FCRL2: variants seen among roughly 807,000 people sequenced by gnomAD.
FCRL2 encodes the protein Fc receptor like 2, also known as Fc receptor-like protein 2.
Under a neutral mutation model 59.8 loss-of-function variants are expected in FCRL2, and 48 were observed. That is an observed-to-expected ratio of 0.80 (90% CI 0.64 to 1.02). The LOEUF (loss-of-function observed/expected upper bound fraction) is 1.02. Ranked by LOEUF, FCRL2 falls within the 50% of genes least tolerant of loss-of-function variation. The pLI is 0.00. For missense variants in FCRL2, 658 were observed against 597.3 expected (o/e 1.10, Z -1.06); for synonymous variants, 251 against 229.5 (o/e 1.09, Z -0.85).
rs117333235 is a variant in FCRL2, at chr1:157,758,180, G to A, written c.1280-8503C>T. On this transcript the variant is annotated intron_variant, in intron 7 of 11. Coordinates refer to ENST00000361516, the MANE Select transcript of FCRL2 (RefSeq NM_030764.4). ...TTTGTAAGTGAGGAAACAGAACAGA[G>A]TTGGTTACCCAAATAGAGGGTGGCC... is the stretch of plus-strand genomic sequence containing the variant. Among the ~76,000 whole-genome samples, 3 of 152,306 alleles carry A rather than the reference G, an allele frequency of 2.0e-5. No homozygotes were observed. The East Asian group carries it at 5.8e-4, about 29-fold the overall frequency.
intron 3 of FCRL2, 63 bp downstream of exon 3, chr1:157,770,346 A>G (rs1332973930): frequency 1.3e-6 from 2 of 1,571,992 alleles, no homozygotes; most frequent in East Asian, 2.2e-5. Context: ...CCTACCCAGT[A>G]CCCACCCTGC....
intron 2 of FCRL2, among the ~76,000 whole-genome samples, chr1:157,771,441 T>C (rs1650012801): frequency 6.6e-6 from 1 of 152,212 alleles, no homozygotes; most frequent in Non-Finnish European, 1.5e-5. Flanking sequence ...TTATTGGGAA[T>C]ATGCCTGTTA....
intron 7 of FCRL2, among the ~76,000 whole-genome samples, chr1:157,755,798 C>G (rs1477692363): frequency 6.6e-6 from 1 of 152,048 alleles, no homozygotes; most frequent in Non-Finnish European, 1.5e-5. Flanking sequence ...AAATAAAGAA[C>G]ATGTATGTAT....
chr1:157,760,492 A>T (rs888770752), intron 7 of FCRL2, among the ~76,000 whole-genome samples: 1 of 151,600 alleles, frequency 6.6e-6, no homozygotes, highest in Admixed American at 6.6e-5. Context: ...GCTGGGCGTC[A>T]TGGCAGGCAC....
chr1:157,775,285 C>A (rs1335250458), intron 2 of FCRL2, among the ~76,000 whole-genome samples: 1 of 152,202 alleles, frequency 6.6e-6, no homozygotes, highest in Non-Finnish European at 1.5e-5. Flanking sequence ...TATTTACTCT[C>A]TTGCCTTTTA....
intron 7 of FCRL2, among the ~76,000 whole-genome samples, chr1:157,761,104 T>C (rs143379389): frequency 9.8e-5 from 15 of 152,350 alleles, no homozygotes; most frequent in African/African-American, 3.1e-4. Flanking sequence ...GAGATTCTGA[T>C]GTGCCCCATG....
At chr1:157,770,204 T>G (rs1038737573) in intron 3 of FCRL2, 54 bp from the exon 4 acceptor site, 1 of 1,586,812 alleles carries the variant, frequency 6.3e-7, no homozygotes, top group African/African-American at 1.4e-5. Context: ...AGATTCCTGC[T>G]GAAAAGCCTC....
At chr1:157,767,597 T>G in intron 5 of FCRL2, 88 bp from the exon 6 acceptor site, 1 of 1,614,122 alleles carries the variant, frequency 6.2e-7, no homozygotes, top group Middle Eastern at 1.7e-4. Flanking sequence ...GCAAAGGGCC[T>G]GGCCCCATGG....
At chr1:157,750,341 G>T (rs969393426) in intron 7 of FCRL2, among the ~76,000 whole-genome samples, 1 of 152,176 alleles carries the variant, frequency 6.6e-6, no homozygotes. Context: ...TGTATATAGA[G>T]GCCACCCCAG....
intron 1 of FCRL2, 148 bp from the exon 2 acceptor site, chr1:157,775,943 A>G: frequency 1.1e-6 from 1 of 875,146 alleles, no homozygotes. Flanking sequence ...TAACAATTCA[A>G]TCTCCCTCGA....
At position 157,770,564 on chromosome 1, in the gene FCRL2, T is replaced by C. The variant is rs201947060; in HGVS notation, c.155A>G (p.His52Arg). The change falls in exon 3 of 12, where the codon CAT becomes CGT. Residue 52 changes from histidine to arginine, a missense_variant. By Grantham distance (29) the His-to-Arg change is conservative (BLOSUM62 0). Transcript: ENST00000361516. ...QNWKIQKMAY[H>R]KDNKELSVFK... ...AACAGATAACTCTTTGTTATCCTTATGGTAAGCCATCTTCTGAATTTTCCA... is the reference window on the plus strand; with the variant it reads ...AACAGATAACTCTTTGTTATCCTTACGGTAAGCCATCTTCTGAATTTTCCA... The C allele has an allele frequency of 2.2e-5, 36 of 1,614,234 alleles. No homozygotes were observed. Among genetic ancestry groups the C allele is most frequent in the Admixed American group, 5.0e-5 (3 of 60,030 alleles).
intron 2 of FCRL2, chr1:157,774,552 C>T (rs1650266428): frequency 6.8e-6 from 3 of 444,082 alleles, no homozygotes; most frequent in Non-Finnish European, 1.4e-5. Context: ...TGGCTGTTGC[C>T]CTGTTCTCTG....
chr1:157,766,667 C>T lies in FCRL2; in HGVS notation c.1279+188G>A, dbSNP rs895866905. 1.2e-5 allele frequency: 10 copies of T among 805,136 alleles called. No individual in the cohort carries two copies. The African/African-American group carries it at 1.6e-4, about 13-fold the overall frequency. 49.9% of individuals were successfully genotyped at this position (805,136 alleles called of 1,614,324 possible). ...AGTGACTATGCACAGGGAACAGTGA[C>T]ATATTGTATAATTAGCAGTATGACC... On this transcript the variant is annotated intron_variant, in intron 7 of 11. Coordinates refer to ENST00000361516, the MANE Select transcript of FCRL2 (RefSeq NM_030764.4).
chr1:157,768,533 G>A lies in FCRL2; in HGVS notation c.764C>T (p.Ser255Phe). The change falls in exon 5 of 12, where the codon TCC (serine) becomes TTC (phenylalanine). Residue 255 changes from serine (S) to phenylalanine (F), a missense_variant. Physicochemically the swap from Ser to Phe is radical, Grantham distance 155. Coordinates refer to ENST00000361516, the MANE Select transcript of FCRL2 (RefSeq NM_030764.4). ...TGGGATCTCCAGCTCTGCTGACAGGGAACGCTGGGTTTTCTTTCCCATACT... is the reference window on the plus strand; with the variant it reads ...TGGGATCTCCAGCTCTGCTGACAGGAAACGCTGGGTTTTCTTTCCCATACT... The part of the protein sequence containing the change: ...GTSMGKKTQR[S>F]LSAELEIPAV... 6.2e-7 allele frequency: 1 copy of A among 1,614,218 alleles called. No individual in the cohort carries two copies. Among genetic ancestry groups the A allele is most frequent in the Non-Finnish European group, 8.5e-7 (1 of 1,180,044 alleles).
At chr1:157,756,033 C>T (rs1648564490) in intron 7 of FCRL2, among the ~76,000 whole-genome samples, 1 of 152,070 alleles carries the variant, frequency 6.6e-6, no homozygotes, top group Non-Finnish European at 1.5e-5. Flanking sequence ...AGGTATTGGG[C>T]CACTCTGAAA....
chr1:157,757,111 A>G (rs1648647641), intron 7 of FCRL2, among the ~76,000 whole-genome samples: 2 of 152,218 alleles, frequency 1.3e-5, no homozygotes, highest in Admixed American at 1.3e-4. Context: ...TTTCTCTACC[A>G]CTTGCATTTG....
chr1:157,760,698 G>GGAAAGAAAGAAAGAAAGAAAGAAAGAAA (rs1163684979), intron 7 of FCRL2, among the ~76,000 whole-genome samples: 1 of 97,288 alleles, frequency 1.0e-5, no homozygotes, highest in Non-Finnish European at 2.0e-5. Context: ...AAAGAAAGAA[G>GGAAAGAAAGAAAGAAAGAAAGAAAGAAA]GAAAGAAAGA....
intron 7 of FCRL2, among the ~76,000 whole-genome samples, chr1:157,764,429 C>A (rs1649346300): frequency 6.6e-6 from 1 of 152,138 alleles, no homozygotes; most frequent in Non-Finnish European, 1.5e-5. Flanking sequence ...AATAGTAAAT[C>A]AACAAAGAAA....
At chr1:157,752,024 G>T (rs1021872642) in intron 7 of FCRL2, among the ~76,000 whole-genome samples, 9 of 152,240 alleles carry the variant, frequency 5.9e-5, no homozygotes, top group Admixed American at 6.5e-5. Context: ...ATTGCAGAAG[G>T]CTGGCCTGAA....
Sources: gnomAD v4.1 joint callset for allele counts (sites outside exome capture counted in the v4.1 genomes callset) on GRCh38, gnomAD v4.1.1 for gene constraint, MANE v1.5 for transcripts, NCBI Gene and HGNC (gene_info 2026-07-23, HGNC 2026-07-21) for gene names.